The following MYO3B variants were observed in gnomAD, a reference collection of about 807,000 sequenced individuals.
MYO3B encodes the protein myosin-IIIb.
In MYO3B, 156 loss-of-function variants were observed where a neutral mutation model predicts 174.6. The observed-to-expected ratio is 0.89, with a 90% CI of 0.78 to 1.02. The LOEUF (loss-of-function observed/expected upper bound fraction) is 1.02, where lower values mean the gene tolerates loss of function less well. Among genes scored for constraint, MYO3B ranks in the 50% least tolerant of loss-of-function variants. The probability of loss-of-function intolerance (pLI) is 0.00; values close to 1 mark genes in which losing one functional copy is unlikely to be tolerated. For missense variants in MYO3B, 1,632 were observed against 1,639.4 expected, an observed-to-expected ratio of 1.00 and a Z score of 0.08; for synonymous variants, 563 against 569.1, an observed-to-expected ratio of 0.99 and a Z score of 0.15.
chr2:170,229,869 C>T (rs2092995316), intron 6 of MYO3B, among the ~76,000 whole-genome samples: 1 of 152,144 alleles, frequency 6.6e-6, no homozygotes, highest in South Asian at 2.1e-4. Context: ...GAACTCACTC[C>T]TATCTTGGTA....
chr2:170,416,818 GTTTTTTT>G (rs552594236), intron 22 of MYO3B, among the ~76,000 whole-genome samples: 1 of 116,124 alleles, frequency 8.6e-6, no homozygotes, highest in South Asian at 2.8e-4. Context: ...TTTTTCTGTT[GTTTTTTT>G]TTTTTTTTTT....
At chr2:170,293,855 C>T (rs1229197437) in intron 7 of MYO3B, among the ~76,000 whole-genome samples, 2 of 151,978 alleles carry the variant, frequency 1.3e-5, no homozygotes, top group Non-Finnish European at 2.9e-5. Flanking sequence ...TCTGCATGAG[C>T]TTTTCTCTGC....
intron 3 of MYO3B, among the ~76,000 whole-genome samples, chr2:170,210,484 G>C (rs2092758565): frequency 6.6e-6 from 1 of 152,100 alleles, no homozygotes. Flanking sequence ...GCAATTTTAA[G>C]TTTAATGTAA....
At chr2:170,419,907 G>A (rs2094604213) in intron 22 of MYO3B, among the ~76,000 whole-genome samples, 1 of 152,180 alleles carries the variant, frequency 6.6e-6, no homozygotes, top group African/African-American at 2.4e-5. Flanking sequence ...GAATGAAGCC[G>A]GGTGTGGTGG....
intron 7 of MYO3B, among the ~76,000 whole-genome samples, chr2:170,237,409 T>C (rs753113950): frequency 1.3e-5 from 2 of 152,114 alleles, no homozygotes; most frequent in Non-Finnish European, 2.9e-5. Context: ...CAAAATAATA[T>C]GTACTTTTGA....
intron 28 of MYO3B, among the ~76,000 whole-genome samples, 159 bp downstream of exon 28, chr2:170,502,024 T>C (rs1265428772): frequency 1.3e-5 from 2 of 152,188 alleles, no homozygotes; most frequent in Non-Finnish European, 2.9e-5. Context: ...CCTTGTGTGA[T>C]AACTATGATG....
chr2:170,652,389 T>C (rs1264813125), intron 34 of MYO3B, among the ~76,000 whole-genome samples: 3 of 152,204 alleles, frequency 2.0e-5, no homozygotes, highest in Non-Finnish European at 2.9e-5. Flanking sequence ...CTCATAATTA[T>C]TCCAGGGAAT....
intron 29 of MYO3B, 73 bp from the exon 30 acceptor site, chr2:170,519,365 G>A: frequency 2.6e-6 from 3 of 1,157,654 alleles, no homozygotes; most frequent in Non-Finnish European, 3.8e-6. Context: ...GCTGCAGAGA[G>A]TGTAGATGGG....
chr2:170,401,802 C>CTTTTTTTTTTTTTTTTTTTTTTTTTT (rs769531863), intron 18 of MYO3B, 111 bp downstream of exon 18: 2 of 580,826 alleles, frequency 3.4e-6, no homozygotes, highest in African/African-American at 4.2e-5. Context: ...CTTTCTTTTT[C>CTTTTTTTTTTTTTTTTTTTTTTTTTT]TTTTTTTTTT....
chr2:170,237,560 A>G (rs1549342), intron 7 of MYO3B, among the ~76,000 whole-genome samples: 73,707 of 150,886 alleles, frequency 0.49, 18,942 homozygotes, highest in East Asian at 0.71. Context: ...TATATGTTTA[A>G]ATAGACCCTT....
intron 22 of MYO3B, among the ~76,000 whole-genome samples, chr2:170,409,495 G>A (rs536706490): frequency 5.3e-5 from 8 of 152,298 alleles, no homozygotes; most frequent in African/African-American, 1.9e-4. Context: ...TATATATTAT[G>A]CATAGTAATT....
Position 170,290,042 on chromosome 2 carries a change from A to G in MYO3B, c.750-45343A>G, listed in dbSNP as rs573753433. ...TGTTACTGATTTCTAGTTGTATTCC[A>G]TTGTGATCCATTGTGATCAGAAAAT... On this transcript the variant is annotated intron_variant, in intron 7 of 34. Transcript: ENST00000408978. 9.2e-5 allele frequency among the ~76,000 whole-genome samples: 14 copies of G among 152,040 alleles called. No homozygotes were observed. The Admixed American group carries it at 9.2e-4, about 10-fold the overall frequency.
At chr2:170,478,869 G>A (rs1399043373) in intron 25 of MYO3B, among the ~76,000 whole-genome samples, 3 of 121,374 alleles carry the variant, frequency 2.5e-5, no homozygotes, top group African/African-American at 9.9e-5. Flanking sequence ...ACCATGCCTG[G>A]CCCATATATA....
chr2:170,482,688 A>G (rs1685773594), intron 25 of MYO3B, among the ~76,000 whole-genome samples: 1 of 152,194 alleles, frequency 6.6e-6, no homozygotes, highest in African/African-American at 2.4e-5. Context: ...TTACAATATC[A>G]CTGAAAGACT....
chr2:170,503,778 G>A (rs1255145199), intron 28 of MYO3B, among the ~76,000 whole-genome samples: 1 of 152,072 alleles, frequency 6.6e-6, no homozygotes, highest in Non-Finnish European at 1.5e-5. Flanking sequence ...GGGCATGAAG[G>A]TGGCACCAAC....
At chr2:170,246,439 G>C (rs553786531) in intron 7 of MYO3B, among the ~76,000 whole-genome samples, 1 of 151,916 alleles carries the variant, frequency 6.6e-6, no homozygotes, top group Non-Finnish European at 1.5e-5. Context: ...GACATAATTA[G>C]CTCACTTAAG....
chr2:170,426,702 T>C (rs1208670929), intron 22 of MYO3B, among the ~76,000 whole-genome samples: 4 of 152,086 alleles, frequency 2.6e-5, no homozygotes. Context: ...GAAATATTTT[T>C]TGAATTAATG....
At chr2:170,427,868 A>C (rs796926024) in intron 22 of MYO3B, among the ~76,000 whole-genome samples, 47 of 152,342 alleles carry the variant, frequency 3.1e-4, no homozygotes, top group African/African-American at 1.0e-3. Flanking sequence ...AATAGGAAAA[A>C]AAAGCTCGTA....
chr2:170,585,794 G>A (rs1693465787), intron 32 of MYO3B, among the ~76,000 whole-genome samples: 1 of 152,220 alleles, frequency 6.6e-6, no homozygotes, highest in Non-Finnish European at 1.5e-5. Context: ...GCTCACGCCT[G>A]TAATCCCAGC....
Sources: gnomAD v4.1 joint callset for allele counts (sites outside exome capture counted in the v4.1 genomes callset) on GRCh38, gnomAD v4.1.1 for gene constraint, MANE v1.5 for transcripts, NCBI Gene and HGNC (gene_info 2026-07-23, HGNC 2026-07-21) for gene names.